Variants in ANO2 observed in about 807,000 individuals in gnomAD.
ANO2 encodes the protein anoctamin 2.
A neutral mutation model predicts 124.2 loss-of-function variants in ANO2; 101 were observed. That is an observed-to-expected ratio of 0.81 (90% CI 0.69 to 0.96). The LOEUF (loss-of-function observed/expected upper bound fraction) is 0.96. Ranked by LOEUF, ANO2 falls within the 40% of genes least tolerant of loss-of-function variation. The pLI is 0.00. For missense variants in ANO2, 1,293 were observed against 1,274.5 expected (o/e 1.01, Z -0.22); for synonymous variants, 486 against 482.5 (o/e 1.01, Z -0.09).
At chr12:5,688,872 T>C (rs1348964635) in intron 14 of ANO2, among the ~76,000 whole-genome samples, 2 of 144,650 alleles carry the variant, frequency 1.4e-5, no homozygotes, top group East Asian at 4.5e-4. Context: ...CTATGTCTCC[T>C]ACCTAACACA....
Position 5,626,425 on chromosome 12 carries a change from C to G in ANO2, c.1816+8727G>C, listed in dbSNP as rs144210803. Among the ~76,000 whole-genome samples, 304 of 152,206 alleles carry G rather than the reference C, an allele frequency of 2.0e-3. 2 individuals carry two copies. Among genetic ancestry groups the G allele is most frequent in the African/African-American group, 7.0e-3 (289 of 41,524 alleles). On this transcript the variant is annotated intron_variant, in intron 16 of 24. Transcript: ENST00000682330. ...AGAAGACTGTCCTCCCTGGAAGAGCCCATGCTGTCCAGGCCTGGAGTACGG... is the reference window on the plus strand; with the variant it reads ...AGAAGACTGTCCTCCCTGGAAGAGCGCATGCTGTCCAGGCCTGGAGTACGG...
At chr12:5,796,538 C>T (rs1259570278) in intron 10 of ANO2, among the ~76,000 whole-genome samples, 2 of 152,010 alleles carry the variant, frequency 1.3e-5, no homozygotes, top group African/African-American at 4.8e-5. Flanking sequence ...CTCACACACA[C>T]TAACACACAC....
At chr12:5,944,619 C>T (rs1419424651) in intron 1 of ANO2, among the ~76,000 whole-genome samples, 1 of 152,168 alleles carries the variant, frequency 6.6e-6, no homozygotes, top group Non-Finnish European at 1.5e-5. Context: ...AGAAAAGTCC[C>T]TCGGGAAGGT....
At chr12:5,945,353 C>A (rs530861637), upstream of ANO2, 3 of 914,786 alleles carry the variant, frequency 3.3e-6, no homozygotes, top group Non-Finnish European at 4.0e-6. Context: ...CCTCCTCCCC[C>A]ATCCCTCCCG....
chr12:5,588,683 AC>A (rs1252717694), intron 20 of ANO2, among the ~76,000 whole-genome samples: 2 of 152,192 alleles, frequency 1.3e-5, no homozygotes, highest in African/African-American at 4.8e-5. Context: ...TCCTCAAAAA[AC>A]ATCTAGAAAT....
At chr12:5,772,023 T>C (rs1259582892) in intron 10 of ANO2, among the ~76,000 whole-genome samples, 1 of 152,222 alleles carries the variant, frequency 6.6e-6, no homozygotes, top group African/African-American at 2.4e-5. Context: ...ATCTGTAGCC[T>C]GGTGGTTTGG....
chr12:5,833,265 A>C (rs1954211790), intron 4 of ANO2, among the ~76,000 whole-genome samples: 1 of 152,374 alleles, frequency 6.6e-6, no homozygotes, highest in South Asian at 2.1e-4. Context: ...TAATATTTAT[A>C]GTGCATACTG....
At chr12:5,639,637 C>T (rs147129957) in intron 15 of ANO2, among the ~76,000 whole-genome samples, 1 of 152,224 alleles carries the variant, frequency 6.6e-6, no homozygotes, top group Non-Finnish European at 1.5e-5. Context: ...AAGGGTGTTT[C>T]AGGCAGGCAG....
At position 5,881,538 on chromosome 12, in the gene ANO2, C is replaced by T. The variant is rs144830113; in HGVS notation, c.535-27397G>A. Among the ~76,000 whole-genome samples the T allele has an allele frequency of 3.6e-3, 545 of 152,320 alleles. 3 individuals carry two copies. The highest frequency in any genetic ancestry group is 0.012 in the African/African-American group (499 of 41,564). ...GGCAATATTGTAATTTCTCCTGGGG[C>T]TATACAGCATGCTCATTTTTGAGAT... On this transcript the variant is annotated intron_variant, in intron 3 of 24. Coordinates refer to ENST00000682330, the MANE Select transcript of ANO2 (RefSeq NM_001364791.2).
At chr12:5,894,505 T>C (rs1939637128) in intron 3 of ANO2, among the ~76,000 whole-genome samples, 1 of 152,232 alleles carries the variant, frequency 6.6e-6, no homozygotes, top group South Asian at 2.1e-4. Context: ...TAGATCCCCT[T>C]TGTCAATTCT....
intron 3 of ANO2, among the ~76,000 whole-genome samples, chr12:5,859,859 T>C (rs1311441606): frequency 6.6e-6 from 1 of 152,110 alleles, no homozygotes; most frequent in African/African-American, 2.4e-5. Flanking sequence ...ACTCATGATG[T>C]CCACTGGTTT....
chr12:5,802,702 G>C (rs781708561), intron 9 of ANO2, among the ~76,000 whole-genome samples: 29 of 152,202 alleles, frequency 1.9e-4, no homozygotes, highest in Admixed American at 7.2e-4. Context: ...GCAGAGTCTA[G>C]AGCCTTCTAA....
intron 14 of ANO2, among the ~76,000 whole-genome samples, chr12:5,725,514 T>A (rs1950402071): frequency 6.6e-6 from 1 of 152,198 alleles, no homozygotes; most frequent in Non-Finnish European, 1.5e-5. Flanking sequence ...CCCCAAAAAC[T>A]ATATTTCCTT....
chr12:5,814,693 G>A (rs1953547768), intron 7 of ANO2, among the ~76,000 whole-genome samples: 1 of 152,244 alleles, frequency 6.6e-6, no homozygotes, highest in South Asian at 2.1e-4. Flanking sequence ...TCCACAACAT[G>A]AATGTCACAT....
chr12:5,861,889 C>T (rs745702439), intron 3 of ANO2, among the ~76,000 whole-genome samples: 33 of 152,008 alleles, frequency 2.2e-4, no homozygotes, highest in African/African-American at 7.0e-4. Flanking sequence ...TCGTCACAGG[C>T]GAAGGAGGAG....
At chr12:5,610,725 T>TATATACATATATAC (rs1280417428) in intron 19 of ANO2, among the ~76,000 whole-genome samples, 2 of 129,600 alleles carry the variant, frequency 1.5e-5, no homozygotes, top group South Asian at 2.3e-4. Flanking sequence ...CATATATACA[T>TATATACATATATAC]ATATATATAT....
chr12:5,746,465 G>C (rs980166299), intron 11 of ANO2, among the ~76,000 whole-genome samples: 1 of 152,182 alleles, frequency 6.6e-6, no homozygotes, highest in Non-Finnish European at 1.5e-5. Context: ...TTTTGTGAGA[G>C]AGGCTGCCTC....
Position 5,582,994 on chromosome 12 carries a change from C to A in ANO2, c.2234-4476G>T, listed in dbSNP as rs181023139. 3.7e-3 allele frequency among the ~76,000 whole-genome samples: 561 copies of A among 152,278 alleles called. 3 individuals are homozygous for A. The highest frequency in any genetic ancestry group is 3.2e-3 in the Non-Finnish European group (215 of 68,018). On this transcript the variant is annotated intron_variant, in intron 20 of 24. Transcript: ENST00000682330. The stretch of plus-strand genomic sequence containing the variant: ...TTGACACGCCTCTCTGTTTATTTGA[C>A]CTGCTCCCTAGATGGAAAGCCCCTT...
intron 13 of ANO2, among the ~76,000 whole-genome samples, chr12:5,737,110 T>G (rs1441435071): frequency 6.6e-6 from 1 of 152,194 alleles, no homozygotes; most frequent in African/African-American, 2.4e-5. Flanking sequence ...TGTTCAGAAT[T>G]GAACTGAAAT....
Sources: gnomAD v4.1 joint callset for allele counts (sites outside exome capture counted in the v4.1 genomes callset) on GRCh38, gnomAD v4.1.1 for gene constraint, MANE v1.5 for transcripts, NCBI Gene and HGNC (gene_info 2026-07-23, HGNC 2026-07-21) for gene names.